Variants in ZNF532 observed in about 807,000 individuals in gnomAD.
ZNF532 encodes zinc finger protein 532.
Under a neutral mutation model 89.3 loss-of-function variants are expected in ZNF532, and 22 were observed. The ratio of observed to expected loss-of-function variants is 0.25; its 90% CI spans 0.18 to 0.35. The LOEUF is 0.35. Among genes scored for constraint, ZNF532 ranks in the 10% least tolerant of loss-of-function variants. ZNF532 has a pLI of 1.00. For synonymous variants in ZNF532, 606 were observed against 649.6 expected, an observed-to-expected ratio of 0.93 and a Z score of 1.02; for missense variants, 1,132 against 1,643.4, an observed-to-expected ratio of 0.69 and a Z score of 5.38.
In ZNF532 at chr18:58,939,474, A is replaced by G; in HGVS notation, c.2558A>G (p.Asp853Gly). The G allele has an allele frequency of 6.2e-7, 1 of 1,613,990 alleles. No homozygotes were observed. The highest frequency in any genetic ancestry group is 8.5e-7 in the Non-Finnish European group (1 of 1,179,982). The stretch of plus-strand genomic sequence containing the variant: ...GTGCATTGCAATGTTGTGTACTCTG[A>G]TGTGGCTGCTCTGAAGTCTCACATT... ...RCVHCNVVYS[D>G]VAALKSHIQG... Residue 853 changes from aspartate (D) to glycine (G), a missense_variant, in exon 5 of 10, where the codon GAT becomes GGT. Coordinates refer to ENST00000591808, the MANE Select transcript of ZNF532 (RefSeq NM_001375912.1).
At chr18:58,949,661 G>A (rs565939383) in intron 6 of ZNF532, among the ~76,000 whole-genome samples, 1 of 152,342 alleles carries the variant, frequency 6.6e-6, no homozygotes, top group African/African-American at 2.4e-5. Flanking sequence ...GGGCGACAGA[G>A]CAAGACTCCG....
chr18:58,889,380 A>T (rs575375652), intron 2 of ZNF532, among the ~76,000 whole-genome samples: 2 of 152,356 alleles, frequency 1.3e-5, no homozygotes, highest in South Asian at 4.1e-4. Flanking sequence ...CTTGAGCCAT[A>T]TAACACATAT....
At chr18:58,962,077 T>C (rs2065400076) in intron 7 of ZNF532, among the ~76,000 whole-genome samples, 2 of 152,048 alleles carry the variant, frequency 1.3e-5, no homozygotes, top group South Asian at 4.2e-4. Flanking sequence ...AATACAAAAA[T>C]TAGCTGGGCA....
chr18:58,969,753 T>A (rs1187167576), intron 7 of ZNF532, among the ~76,000 whole-genome samples: 1 of 152,202 alleles, frequency 6.6e-6, no homozygotes, highest in Non-Finnish European at 1.5e-5. Flanking sequence ...AAAACAGCAA[T>A]TATCTTTAAA....
chr18:58,869,557 T>C (rs2056789983), intron 2 of ZNF532, among the ~76,000 whole-genome samples: 1 of 152,240 alleles, frequency 6.6e-6, no homozygotes, highest in Admixed American at 6.5e-5. Flanking sequence ...CAGATCATTG[T>C]TGAAATCTTA....
intron 9 of ZNF532, 114 bp from the exon 10 acceptor site, chr18:58,983,858 C>T: frequency 7.3e-7 from 1 of 1,366,240 alleles, no homozygotes; most frequent in South Asian, 1.4e-5. Context: ...CCCCTAAATC[C>T]CAAAGCGTTC....
At chr18:58,965,317 G>C (rs147146922) in intron 7 of ZNF532, among the ~76,000 whole-genome samples, 5 of 152,146 alleles carry the variant, frequency 3.3e-5, no homozygotes, top group African/African-American at 1.2e-4. Flanking sequence ...ATTGCAGCAG[G>C]CTCCTGAGGG....
chr18:58,944,741 T>TA (rs963952359), intron 5 of ZNF532, among the ~76,000 whole-genome samples: 14 of 150,406 alleles, frequency 9.3e-5, no homozygotes, highest in East Asian at 1.9e-4. Context: ...ATTTGGACTT[T>TA]AAAAAAAAAA....
chr18:58,953,976 T>C, intron 7 of ZNF532, 177 bp downstream of exon 7: 1 of 985,394 alleles, frequency 1.0e-6, no homozygotes, highest in Non-Finnish European at 1.2e-6. Flanking sequence ...TTTCAAATCC[T>C]TCAGTCTTCA....
Position 58,984,557 on chromosome 18 carries a change from T to C in ZNF532, c.*91T>C, listed in dbSNP as rs1422839227. 6.9e-7 allele frequency: 1 copy of C among 1,444,708 alleles called. No homozygotes were observed. The highest frequency in any genetic ancestry group is 9.3e-7 in the Non-Finnish European group (1 of 1,079,344). 89.5% of individuals were successfully genotyped at this position (1,444,708 alleles called of 1,614,324 possible). A position where few individuals can be genotyped will look rare whatever the true frequency, so the allele number is the denominator to read the frequency against. On this transcript the variant is annotated 3_prime_UTR_variant, in exon 10 of 10. Coordinates refer to ENST00000591808, the MANE Select transcript of ZNF532 (RefSeq NM_001375912.1). ...GTTTGCAGTATAATAGAGTTAACAG[T>C]ACTGTCTAGGCTGTTGCAATATATT...
chr18:58,893,126 G>A (rs1275751071), intron 2 of ZNF532, among the ~76,000 whole-genome samples: 1 of 151,874 alleles, frequency 6.6e-6, no homozygotes, highest in African/African-American at 2.4e-5. Context: ...TTACAGGCGT[G>A]TGCCACCGCA....
At chr18:58,978,464 A>C (rs1208877067) in intron 7 of ZNF532, among the ~76,000 whole-genome samples, 4 of 152,198 alleles carry the variant, frequency 2.6e-5, no homozygotes, top group Admixed American at 2.6e-4. Context: ...TCTTTTCAGT[A>C]AAAGATTTAT....
In ZNF532 at chr18:58,920,545, G is replaced by A. The variant is rs770033907; in HGVS notation, c.2258G>A (p.Ser753Asn). The A allele has an allele frequency of 1.2e-6, 2 of 1,613,532 alleles. No individual in the cohort carries two copies. The highest frequency in any genetic ancestry group is 1.3e-5 in the African/African-American group (1 of 74,900). Residue 753 changes from serine to asparagine, a missense_variant, in exon 3 of 10, where the codon AGT becomes AAT. Physicochemically the swap from Ser to Asn is conservative, Grantham distance 46. Transcript: ENST00000591808. ...GACCCCTCCAAACTGTGTAGACATA[G>A]TCTAAAATGTTTGGAGTGTAATGAA... ...DEDPSKLCRHSLKCLECNEVF... is the reference protein window; with the variant it reads ...DEDPSKLCRHNLKCLECNEVF...
intron 2 of ZNF532, among the ~76,000 whole-genome samples, chr18:58,898,582 G>A (rs757553010): frequency 2.9e-4 from 44 of 152,272 alleles, no homozygotes; most frequent in Non-Finnish European, 6.2e-4. Context: ...GCCAGGCCCC[G>A]GAGTCTGCCC....
intron 2 of ZNF532, among the ~76,000 whole-genome samples, chr18:58,894,297 T>A (rs975242542): frequency 6.6e-5 from 10 of 151,946 alleles, no homozygotes. Flanking sequence ...AAACCCCATC[T>A]CTACTGAAAA....
At chr18:58,981,345 G>T in intron 8 of ZNF532, 125 bp from the exon 9 acceptor site, 10 of 1,269,838 alleles carry the variant, frequency 7.9e-6, no homozygotes, top group Non-Finnish European at 9.9e-6. Context: ...GAACCATGGT[G>T]TGAACTCAGC....
At chr18:58,922,115 A>T (rs1049641297) in intron 3 of ZNF532, among the ~76,000 whole-genome samples, 1 of 152,182 alleles carries the variant, frequency 6.6e-6, no homozygotes, top group Non-Finnish European at 1.5e-5. Context: ...CTCCAAAAAA[A>T]AAAAGGAAAA....
chr18:58,973,344 G>A (rs1459611198), intron 7 of ZNF532, among the ~76,000 whole-genome samples: 2 of 152,202 alleles, frequency 1.3e-5, no homozygotes, highest in African/African-American at 2.4e-5. Flanking sequence ...CTCAAGTGGT[G>A]CGCCCGCCTT....
intron 2 of ZNF532, among the ~76,000 whole-genome samples, chr18:58,870,309 C>T (rs1456665798): frequency 6.6e-6 from 1 of 151,996 alleles, no homozygotes; most frequent in Non-Finnish European, 1.5e-5. Context: ...GAAGGAGCCC[C>T]CAGAAGCTAT....
Sources: allele counts gnomAD v4.1 joint callset (sites outside exome capture counted in the v4.1 genomes callset), GRCh38; gene constraint gnomAD v4.1.1; transcripts MANE v1.5; gene names NCBI Gene and HGNC (gene_info 2026-07-23, HGNC 2026-07-21).